The following WFDC10B variants were observed in gnomAD, a reference collection of about 807,000 sequenced individuals.
WFDC10B encodes the protein WAP four-disulfide core domain 10B, also known as protein WFDC10B.
WFDC10B carries 1 observed loss-of-function variant against 2.7 expected under a neutral mutation model. The observed-to-expected ratio is 0.38, with a 90% CI of 0.13 to 1.79. The LOEUF is 1.79. Among genes scored for constraint, WFDC10B ranks in the 40% most tolerant of loss-of-function variants. WFDC10B has a pLI of 0.33. For synonymous variants in WFDC10B, 26 were observed against 32.2 expected (o/e 0.81, Z 0.65); for missense variants, 71 against 87.8 (o/e 0.81, Z 0.76).
At position 45,704,966 on chromosome 20, in the gene WFDC10B, C is replaced by T. The variant is rs373376690; in HGVS notation, c.-178G>A. The stretch of plus-strand genomic sequence containing the variant: ...AAGCAAAATTTGTCCTACACTTTTG[C>T]TTGCCCTCCTTTCACAAGACACCAT... On this transcript the variant is annotated 5_prime_UTR_variant, in exon 1 of 4. Transcript: ENST00000330523. 25 of 1,614,042 alleles carry T rather than the reference C, an allele frequency of 1.5e-5. No individual in the cohort carries two copies. The African/African-American group carries it at 3.2e-4, about 21-fold the overall frequency.
intron 2 of WFDC10B, among the ~76,000 whole-genome samples, chr20:45,687,762 G>A (rs1180900731): frequency 6.6e-6 from 1 of 151,906 alleles, no homozygotes; most frequent in Non-Finnish European, 1.5e-5. Context: ...CTGATGTTCA[G>A]CTTTTTTTCA....
chr20:45,699,082 C>T (rs1192742569), intron 2 of WFDC10B, among the ~76,000 whole-genome samples: 1 of 152,070 alleles, frequency 6.6e-6, no homozygotes, highest in Admixed American at 6.5e-5. Flanking sequence ...TGAGATACCA[C>T]TTCACATTTT....
Position 45,684,912 on chromosome 20 carries a change from TG to T in WFDC10B, c.139del (p.His47ThrfsTer24). On this transcript the variant is annotated frameshift_variant, in exon 4 of 4. Transcript: ENST00000330523. LOFTEE classifies it low-confidence loss of function (END_TRUNC). ...KRPSIDLCIH[H>X]CSYFQKCETN... ...TTCACACTTTTGGAAATATGAACAG[TG>T]GTGGATGCATAGATCTATGCTGGGT... The T allele has an allele frequency of 6.2e-7, 1 of 1,614,008 alleles. No homozygotes were observed.
At chr20:45,689,668 T>C (rs919761814) in intron 2 of WFDC10B, among the ~76,000 whole-genome samples, 40 of 152,318 alleles carry the variant, frequency 2.6e-4, no homozygotes, top group African/African-American at 9.6e-4. Flanking sequence ...ATAAGAATGC[T>C]TGTGATTTTT....
chr20:45,686,127 G>A (rs934183848), intron 2 of WFDC10B, 71 bp from the exon 3 acceptor site: 14 of 1,474,774 alleles, frequency 9.5e-6, no homozygotes, highest in East Asian at 5.0e-5. Flanking sequence ...ACAAGTCAGG[G>A]CAGAGCAAGA....
At chr20:45,690,034 G>C (rs1983756773) in intron 2 of WFDC10B, among the ~76,000 whole-genome samples, 1 of 152,108 alleles carries the variant, frequency 6.6e-6, no homozygotes, top group South Asian at 2.1e-4. Context: ...CTAATTTATT[G>C]AGAGTTTTTA....
intron 2 of WFDC10B, 74 bp from the exon 3 acceptor site, chr20:45,686,130 G>A (rs2145633579): frequency 6.9e-7 from 1 of 1,458,840 alleles, no homozygotes; most frequent in East Asian, 2.5e-5. Context: ...AGTCAGGGCA[G>A]AGCAAGAGTC....
intron 2 of WFDC10B, among the ~76,000 whole-genome samples, chr20:45,692,825 A>G (rs1983858359): frequency 6.6e-6 from 1 of 152,076 alleles, no homozygotes; most frequent in Non-Finnish European, 1.5e-5. Flanking sequence ...TCTTCTCTCA[A>G]CTTGTCAAAG....
intron 2 of WFDC10B, among the ~76,000 whole-genome samples, chr20:45,693,946 G>A (rs1340531493): frequency 6.7e-6 from 1 of 149,664 alleles, no homozygotes; most frequent in East Asian, 2.0e-4. Flanking sequence ...CTGTAGAACG[G>A]AGCTGTTCCT....
In WFDC10B at chr20:45,704,559, A is replaced by C; in HGVS notation, c.-127T>G. ...AGTGCTGTTCCTCCTTCTGTGGGAT[A>C]GTCTGTTCATCAGAAACATTTCAAA... is the stretch of plus-strand genomic sequence containing the variant. On this transcript the variant is annotated splice_region_variant and 5_prime_UTR_variant, in exon 2 of 4. Coordinates refer to ENST00000330523, the MANE Select transcript of WFDC10B (RefSeq NM_172006.2). 1 of 1,614,152 alleles carries C rather than the reference A, an allele frequency of 6.2e-7. No individual in the cohort carries two copies. Among genetic ancestry groups the C allele is most frequent in the Non-Finnish European group, 8.5e-7 (1 of 1,180,020 alleles).
rs893961612 is a variant in WFDC10B at position 45,689,751 on chromosome 20, T to A, written c.-64-3695A>T. Among the ~76,000 whole-genome samples, 6 of 152,322 alleles carry A rather than the reference T, an allele frequency of 3.9e-5. No homozygotes were observed. The South Asian group carries it at 8.3e-4, about 21-fold the overall frequency. ...TTAAGGAGATTTTGGGCTGAGACAA[T>A]GGGGTTTTCTAGATATGCAATCATG... On this transcript the variant is annotated intron_variant, in intron 2 of 3. Coordinates refer to ENST00000330523, the MANE Select transcript of WFDC10B (RefSeq NM_172006.2).
At chr20:45,702,248 A>G (rs1439059500) in intron 2 of WFDC10B, 14 of 1,582,990 alleles carry the variant, frequency 8.8e-6, no homozygotes, top group Admixed American at 3.6e-5. Flanking sequence ...GGGAAGTAAC[A>G]TGTGTGGATA....
chr20:45,686,425 A>AT (rs1379760753), intron 2 of WFDC10B, among the ~76,000 whole-genome samples: 1 of 151,790 alleles, frequency 6.6e-6, no homozygotes, highest in African/African-American at 2.4e-5. Flanking sequence ...ACAATCTTTT[A>AT]TTTTCTCATT....
chr20:45,701,426 A>C (rs1014793876), intron 2 of WFDC10B, among the ~76,000 whole-genome samples: 2 of 152,210 alleles, frequency 1.3e-5, no homozygotes, highest in African/African-American at 4.8e-5. Flanking sequence ...AAAAGGAATT[A>C]GTTGAAAAGT....
intron 1 of WFDC10B, 44 bp from the exon 2 acceptor site, chr20:45,704,605 T>C (rs756040197): frequency 6.2e-7 from 1 of 1,613,484 alleles, no homozygotes; most frequent in Non-Finnish European, 8.5e-7. Flanking sequence ...GTAAGAGATA[T>C]CTCATATCCA....
At chr20:45,691,613 A>ATCTT (rs1463590628) in intron 2 of WFDC10B, among the ~76,000 whole-genome samples, 2 of 150,640 alleles carry the variant, frequency 1.3e-5, no homozygotes, top group Non-Finnish European at 3.0e-5. Flanking sequence ...GTCTCTTTTG[A>ATCTT]TCTTTGTTGG....
rs183041894 is a variant in WFDC10B, at chr20:45,704,572, G to A, written c.-129-11C>T. ...CTTCTGTGGGATAGTCTGTTCATCA[G>A]AAACATTTCAAAAGCGCAACAGGTA... On this transcript the variant is annotated splice_polypyrimidine_tract_variant and intron_variant, in intron 1 of 3. Transcript: ENST00000330523. 150 of 1,614,072 alleles carry A rather than the reference G, an allele frequency of 9.3e-5. No individual in the cohort carries two copies. The highest frequency in any genetic ancestry group is 2.0e-4 in the Admixed American group (12 of 60,000).
intron 2 of WFDC10B, among the ~76,000 whole-genome samples, chr20:45,692,813 C>A (rs1156666429): frequency 6.6e-6 from 1 of 152,150 alleles, no homozygotes; most frequent in Non-Finnish European, 1.5e-5. Flanking sequence ...CGTCTGAAGC[C>A]TTCTTCTCTC....
At chr20:45,689,306 A>G (rs1381763250) in intron 2 of WFDC10B, among the ~76,000 whole-genome samples, 6 of 151,696 alleles carry the variant, frequency 4.0e-5, no homozygotes, top group Non-Finnish European at 8.8e-5. Flanking sequence ...TTGGCTTAGG[A>G]TTGACTTGGC....
Sources: gnomAD v4.1 joint callset for allele counts (sites outside exome capture counted in the v4.1 genomes callset) on GRCh38, gnomAD v4.1.1 for gene constraint, MANE v1.5 for transcripts, NCBI Gene and HGNC (gene_info 2026-07-23, HGNC 2026-07-21) for gene names.